NUMB: variants seen among roughly 807,000 people sequenced by gnomAD.
NUMB encodes NUMB endocytic adaptor protein.
In NUMB, 29 loss-of-function variants were observed where a neutral mutation model predicts 59.7. The observed-to-expected ratio is 0.49, with a 90% CI of 0.36 to 0.66. The LOEUF (loss-of-function observed/expected upper bound fraction) is 0.66, where lower values mean the gene tolerates loss of function less well. NUMB is among the 30% of genes least tolerant of loss of function. NUMB has a pLI of 0.00. For synonymous variants in NUMB, 288 were observed against 288.2 expected (o/e 1.00, Z 0.01); for missense variants, 723 against 822.0 (o/e 0.88, Z 1.47).
At chr14:73,408,490 A>G (rs1012287023) in intron 2 of NUMB, among the ~76,000 whole-genome samples, 4 of 152,130 alleles carry the variant, frequency 2.6e-5, no homozygotes, top group Non-Finnish European at 5.9e-5. Flanking sequence ...AACAACAACA[A>G]CAAAACTCCA....
At chr14:73,346,847 CTTTGCTCCTGTTAAAA>C (rs1181083873) in intron 4 of NUMB, among the ~76,000 whole-genome samples, 1 of 152,178 alleles carries the variant, frequency 6.6e-6, no homozygotes, top group Non-Finnish European at 1.5e-5. Context: ...TATTTTCCAC[CTTTGCTCCTGTTAAAA>C]TAGAAGCAGC....
At chr14:73,309,756 T>TAATAATAATAAA (rs1555370100) in intron 6 of NUMB, among the ~76,000 whole-genome samples, 1 of 123,846 alleles carries the variant, frequency 8.1e-6, no homozygotes, top group Non-Finnish European at 1.6e-5. Context: ...ATAATAATAA[T>TAATAATAATAAA]AAAAATAGGA....
At chr14:73,363,665 C>T (rs1336675891) in intron 3 of NUMB, among the ~76,000 whole-genome samples, 1 of 151,752 alleles carries the variant, frequency 6.6e-6, no homozygotes, top group Non-Finnish European at 1.5e-5. Context: ...AAATCGTTAA[C>T]AGTCCAGGTG....
intron 1 of NUMB, among the ~76,000 whole-genome samples, chr14:73,445,277 C>T (rs1883390964): frequency 7.0e-6 from 1 of 142,026 alleles, no homozygotes; most frequent in Non-Finnish European, 1.5e-5. Flanking sequence ...CTGCCTGAGT[C>T]CCAGGAGTTT....
intron 2 of NUMB, among the ~76,000 whole-genome samples, chr14:73,367,978 C>T (rs1262519403): frequency 6.6e-6 from 1 of 151,538 alleles, no homozygotes; most frequent in African/African-American, 2.4e-5. Flanking sequence ...TTTCCATTTT[C>T]ACAAGAACTT....
chr14:73,386,867 ATTTTTTTTTTTTTTTTTT>A (rs71112745), intron 2 of NUMB, among the ~76,000 whole-genome samples: 91 of 79,854 alleles, frequency 1.1e-3, no homozygotes, highest in Admixed American at 3.0e-3. Context: ...CAGGTGTCTT[ATTTTTTTTTTTTTTTTTT>A]TTTTTTTTTT....
In NUMB at chr14:73,329,353, A is replaced by G. The variant is rs144930464; in HGVS notation, c.127-6149T>C. Among the ~76,000 whole-genome samples, 373 of 152,280 alleles carry G rather than the reference A, an allele frequency of 2.4e-3. 3 individuals carry two copies. The highest frequency in any genetic ancestry group is 8.5e-3 in the African/African-American group (352 of 41,554). On this transcript the variant is annotated intron_variant, in intron 4 of 12. Transcript: ENST00000555238. The stretch of plus-strand genomic sequence containing the variant: ...TAGGAAACTTGTACGTGTTGTATTC[A>G]TTCAGGTATGGTAACCACTAGTGTG...
chr14:73,376,523 T>A (rs1342952618), intron 2 of NUMB, among the ~76,000 whole-genome samples: 1 of 135,812 alleles, frequency 7.4e-6, no homozygotes, highest in East Asian at 1.9e-4. Flanking sequence ...TTCTAAAGTT[T>A]ATATGGAAAA....
intron 2 of NUMB, among the ~76,000 whole-genome samples, chr14:73,392,414 CATG>C (rs2140100634): frequency 6.6e-6 from 1 of 152,310 alleles, no homozygotes; most frequent in East Asian, 1.9e-4. Context: ...CCTAGCTCTC[CATG>C]ATAACATTTG....
intron 4 of NUMB, among the ~76,000 whole-genome samples, chr14:73,343,481 C>T (rs749218290): frequency 6.6e-6 from 1 of 152,172 alleles, no homozygotes; most frequent in Non-Finnish European, 1.5e-5. Flanking sequence ...CCAGCTTCCC[C>T]GCTGGAAGAA....
At chr14:73,441,196 A>G (rs1368090521) in intron 1 of NUMB, among the ~76,000 whole-genome samples, 1 of 152,204 alleles carries the variant, frequency 6.6e-6, no homozygotes, top group African/African-American at 2.4e-5. Context: ...ATGGCCAATA[A>G]GCATATGAGA....
chr14:73,328,460 A>G (rs1392444369), intron 4 of NUMB, among the ~76,000 whole-genome samples: 2 of 152,184 alleles, frequency 1.3e-5, no homozygotes, highest in South Asian at 2.1e-4. Flanking sequence ...TTCATATAAG[A>G]AATTTGGTCA....
At chr14:73,401,169 T>C (rs1896394179) in intron 2 of NUMB, among the ~76,000 whole-genome samples, 1 of 152,192 alleles carries the variant, frequency 6.6e-6, no homozygotes, top group Non-Finnish European at 1.5e-5. Context: ...ACTGGGTTGC[T>C]GGTAGATAGA....
At chr14:73,448,971 C>T (rs1048209255) in intron 1 of NUMB, among the ~76,000 whole-genome samples, 3 of 150,142 alleles carry the variant, frequency 2.0e-5, no homozygotes, top group African/African-American at 7.3e-5. Flanking sequence ...GAGGATTCAA[C>T]CAATCTTGCA....
intron 4 of NUMB, among the ~76,000 whole-genome samples, chr14:73,325,805 C>T (rs984351860): frequency 6.6e-6 from 1 of 152,144 alleles, no homozygotes. Flanking sequence ...ACATCTCAGC[C>T]ACCAGGAAAT....
chr14:73,413,200 C>T (rs1244710337), intron 1 of NUMB, among the ~76,000 whole-genome samples: 1 of 151,442 alleles, frequency 6.6e-6, no homozygotes, highest in Non-Finnish European at 1.5e-5. Context: ...AATTCTCCTG[C>T]CTCAGCCTCC....
intron 2 of NUMB, among the ~76,000 whole-genome samples, chr14:73,400,439 T>G (rs1246526712): frequency 1.3e-5 from 2 of 152,214 alleles, no homozygotes; most frequent in African/African-American, 2.4e-5. Flanking sequence ...GAAAATAATG[T>G]GTCAATGTGG....
At position 73,276,494 on chromosome 14, in the gene NUMB, G is replaced by T. The variant is rs1254957106; in HGVS notation, c.*84C>A. On this transcript the variant is annotated 3_prime_UTR_variant, in exon 13 of 13. Transcript: ENST00000555238. ...GGATTAGTGAAAAGAGTACTAATCA[G>T]GAGACAAAGTCTGTTTTGCTCCTTT... 1 of 1,036,032 alleles carries T rather than the reference G, an allele frequency of 9.7e-7. No individual in the cohort carries two copies. 64.2% of individuals were successfully genotyped at this position (1,036,032 alleles called of 1,614,324 possible).
chr14:73,368,644 A>G (rs1447219811), intron 2 of NUMB, among the ~76,000 whole-genome samples: 1 of 152,188 alleles, frequency 6.6e-6, no homozygotes, highest in Non-Finnish European at 1.5e-5. Context: ...CTATTGATAG[A>G]GAACCTACTG....
Sources: gnomAD v4.1 joint callset for allele counts (sites outside exome capture counted in the v4.1 genomes callset) on GRCh38, gnomAD v4.1.1 for gene constraint, MANE v1.5 for transcripts, NCBI Gene and HGNC (gene_info 2026-07-23, HGNC 2026-07-21) for gene names.